Variants in TBX20 observed in about 807,000 individuals in gnomAD.
TBX20 encodes the protein T-box transcription factor 20.
In TBX20, 8 loss-of-function variants were observed where a neutral mutation model predicts 42.9. The observed-to-expected ratio is 0.19, with a 90% CI of 0.11 to 0.34. The LOEUF (loss-of-function observed/expected upper bound fraction) is 0.34, where lower values mean the gene tolerates loss of function less well. TBX20 is among the 10% of genes least tolerant of loss of function. TBX20 has a pLI of 1.00. For synonymous variants in TBX20, 198 were observed against 222.8 expected (o/e 0.89, Z 0.99); for missense variants, 411 against 566.0 (o/e 0.73, Z 2.78).
chr7:35,212,886 T>G lies in TBX20; in HGVS notation c.891-8304A>C, dbSNP rs548902442. Among the ~76,000 whole-genome samples the G allele has an allele frequency of 4.5e-4, 69 of 152,296 alleles. 1 individual carries two copies. Among genetic ancestry groups the G allele is most frequent in the African/African-American group, 1.6e-3 (66 of 41,566 alleles). ...CTCAAAAGGGATCCTCTATAAATCT[T>G]TGGAGTTCTTTAGGGATCCTCTGTA... On this transcript the variant is annotated intron_variant, in intron 6 of 7. Transcript: ENST00000408931.
chr7:35,213,877 C>CAAAAAAAAAAAAAAAAAAAAAAA (rs59548164), intron 6 of TBX20, among the ~76,000 whole-genome samples: 1 of 59,772 alleles, frequency 1.7e-5, no homozygotes, highest in Non-Finnish European at 3.0e-5. Flanking sequence ...GCAGAGATAG[C>CAAAAAAAAAAAAAAAAAAAAAAA]AAAAAAAAAA....
chr7:35,214,445 T>C (rs1165405121), intron 6 of TBX20, among the ~76,000 whole-genome samples: 1 of 152,218 alleles, frequency 6.6e-6, no homozygotes, highest in African/African-American at 2.4e-5. Context: ...TTAGGCTTGT[T>C]GAAATGAAAA....
rs533845096 is a variant in TBX20, at chr7:35,244,220, C to T, written c.654+729G>A. Among the ~76,000 whole-genome samples, 21 of 152,238 alleles carry T rather than the reference C, an allele frequency of 1.4e-4. 1 individual carries two copies. In the South Asian group the frequency reaches 4.2e-3, roughly 30 times the overall value. ...TTTATTTAACAGCATGAAGTAACAT[C>T]CCAGCAATGCCTTAAAAAGGCATTT... is the stretch of plus-strand genomic sequence containing the variant. On this transcript the variant is annotated intron_variant, in intron 4 of 7. Transcript: ENST00000408931.
intron 3 of TBX20, among the ~76,000 whole-genome samples, chr7:35,245,776 G>C (rs1329149890): frequency 2.0e-5 from 3 of 152,054 alleles, no homozygotes; most frequent in African/African-American, 2.4e-5. Flanking sequence ...CCAAAAAAAA[G>C]CTCTCACATC....
At chr7:35,230,521 CT>C (rs1740768276) in intron 6 of TBX20, among the ~76,000 whole-genome samples, 1 of 152,098 alleles carries the variant, frequency 6.6e-6, no homozygotes, top group South Asian at 2.1e-4. Context: ...TAAATCAAAC[CT>C]CCCCCTCACA....
intron 7 of TBX20, 50 bp downstream of exon 7, chr7:35,204,420 T>G (rs1461830605): frequency 7.7e-7 from 1 of 1,299,690 alleles, no homozygotes; most frequent in Admixed American, 1.7e-5. Flanking sequence ...CCCATTCTCC[T>G]TTAGGTGCTC....
At chr7:35,251,478 C>T (rs145240633) in intron 1 of TBX20, among the ~76,000 whole-genome samples, 1 of 152,030 alleles carries the variant, frequency 6.6e-6, no homozygotes, top group African/African-American at 2.4e-5. Flanking sequence ...TTCAGATTAA[C>T]GAAAGGAAAC....
chr7:35,233,485 T>C (rs1051762388), intron 5 of TBX20, among the ~76,000 whole-genome samples: 5 of 152,182 alleles, frequency 3.3e-5, no homozygotes, highest in Non-Finnish European at 5.9e-5. Context: ...CTAAGACATA[T>C]ATATGAAGAG....
intron 6 of TBX20, among the ~76,000 whole-genome samples, chr7:35,210,738 A>C (rs1440370424): frequency 6.6e-6 from 1 of 152,292 alleles, no homozygotes; most frequent in African/African-American, 2.4e-5. Context: ...ATTATTGTTA[A>C]CATGCTACTT....
intron 6 of TBX20, among the ~76,000 whole-genome samples, chr7:35,223,041 A>G (rs1789709865): frequency 6.6e-6 from 1 of 152,242 alleles, no homozygotes; most frequent in African/African-American, 2.4e-5. Flanking sequence ...ACAGTGGCCT[A>G]GGTAAGAGTG....
At chr7:35,212,506 C>A (rs911012615) in intron 6 of TBX20, among the ~76,000 whole-genome samples, 6 of 152,208 alleles carry the variant, frequency 3.9e-5, no homozygotes, top group South Asian at 2.1e-4. Flanking sequence ...TGTTTGTATT[C>A]TATTTATAAG....
chr7:35,251,900 C>G (rs1322138870), intron 1 of TBX20, among the ~76,000 whole-genome samples: 4 of 152,188 alleles, frequency 2.6e-5, no homozygotes, highest in African/African-American at 7.2e-5. Flanking sequence ...CCTGCTAGTT[C>G]TTTCAGAGCC....
At chr7:35,215,146 T>G (rs994490572) in intron 6 of TBX20, among the ~76,000 whole-genome samples, 1 of 152,196 alleles carries the variant, frequency 6.6e-6, no homozygotes, top group Non-Finnish European at 1.5e-5. Flanking sequence ...CATTTTGCCC[T>G]TGCTAGATCA....
chr7:35,236,219 C>T (rs1165005320), intron 5 of TBX20, among the ~76,000 whole-genome samples: 1 of 151,690 alleles, frequency 6.6e-6, no homozygotes, highest in East Asian at 1.9e-4. Context: ...ACTTGGATTT[C>T]AATACACATA....
At chr7:35,209,837 T>C (rs1206405063) in intron 6 of TBX20, among the ~76,000 whole-genome samples, 1 of 152,204 alleles carries the variant, frequency 6.6e-6, no homozygotes, top group Admixed American at 6.5e-5. Flanking sequence ...CTGCAAGTTT[T>C]TATATGTTGT....
rs1790353471 is a variant in TBX20 at position 35,253,729 on chromosome 7, C to T, written c.-109G>A. ...ACAGCTCAAAGTTTCCGAGAGCAGT[C>T]ACAGCGGGGCCAGGGACTCCAGAAG... On this transcript the variant is annotated 5_prime_UTR_variant, in exon 1 of 8. Transcript: ENST00000408931. The T allele has an allele frequency of 2.1e-6, 3 of 1,442,194 alleles. No individual in the cohort carries two copies. The highest frequency in any genetic ancestry group is 2.8e-6 in the Non-Finnish European group (3 of 1,068,024). The allele number at this position is 1,442,194 out of a possible 1,614,324, so 89.3% of individuals were successfully genotyped here. A position where few individuals can be genotyped will look rare whatever the true frequency, so the allele number is the denominator to read the frequency against.
At chr7:35,219,811 T>C (rs1562559841) in intron 6 of TBX20, among the ~76,000 whole-genome samples, 1 of 152,212 alleles carries the variant, frequency 6.6e-6, no homozygotes, top group Admixed American at 6.5e-5. Flanking sequence ...GATTTGCAAC[T>C]TGCTTTCCTA....
intron 3 of TBX20, among the ~76,000 whole-genome samples, chr7:35,245,349 T>TGTGTGTGTGTGG (rs1554287409): frequency 7.3e-5 from 11 of 151,516 alleles, no homozygotes; most frequent in African/African-American, 2.4e-4. Context: ...TGTGTGTGTG[T>TGTGTGTGTGTGG]TTTCATCTAT....
At chr7:35,227,024 AG>A (rs1789783807) in intron 6 of TBX20, among the ~76,000 whole-genome samples, 1 of 151,724 alleles carries the variant, frequency 6.6e-6, no homozygotes, top group Non-Finnish European at 1.5e-5. Flanking sequence ...ATCCTGACCC[AG>A]GGTAGGCCTG....
Sources: gnomAD v4.1 joint callset for allele counts (sites outside exome capture counted in the v4.1 genomes callset) on GRCh38, gnomAD v4.1.1 for gene constraint, MANE v1.5 for transcripts, NCBI Gene and HGNC (gene_info 2026-07-23, HGNC 2026-07-21) for gene names.